Variants in MTCL3 observed in about 807,000 individuals in gnomAD.
The protein encoded by MTCL3 is microtubule cross-linking factor 3.
the MTCL3 span, among the ~76,000 whole-genome samples, chr6:127,495,577 T>A: frequency 3.9e-5 from 6 of 152,342 alleles, no homozygotes; most frequent in African/African-American, 1.4e-4. Context: ...AATGTGCCAT[T>A]ACAAGATGGC....
the MTCL3 span, among the ~76,000 whole-genome samples, chr6:127,487,720 G>C: frequency 3.9e-5 from 6 of 152,314 alleles, no homozygotes; most frequent in South Asian, 1.2e-3. Context: ...TTAAGGTCCA[G>C]AGGGGAATGT....
At chr6:127,483,484 ATG>A in the MTCL3 span, among the ~76,000 whole-genome samples, 1 of 152,168 alleles carries the variant, frequency 6.6e-6, no homozygotes, top group South Asian at 2.1e-4. Context: ...CACGTGCAAA[ATG>A]ATAGGGCATG....
At chr6:127,515,970 G>A in the MTCL3 span, 2 of 1,602,100 alleles carry the variant, frequency 1.2e-6, no homozygotes, top group Non-Finnish European at 1.7e-6. This position sits in a 1 kb window ranked among gnomAD's most constrained non-coding sequence, Gnocchi z 4.3. Flanking sequence ...ATGGAGAAGG[G>A]GAGGCCCCCT....
chr6:127,486,440 G>A, the MTCL3 span, among the ~76,000 whole-genome samples: 1 of 152,140 alleles, frequency 6.6e-6, no homozygotes. Context: ...GAGAAATAAT[G>A]TGAGTCCAAG....
the MTCL3 span, among the ~76,000 whole-genome samples, chr6:127,501,519 A>G: frequency 1.3e-5 from 2 of 152,234 alleles, no homozygotes; most frequent in African/African-American, 4.8e-5. Flanking sequence ...GGCTAATGTA[A>G]TGGTAAGAAA....
At chr6:127,488,780 G>C in the MTCL3 span, among the ~76,000 whole-genome samples, 1 of 152,126 alleles carries the variant, frequency 6.6e-6, no homozygotes, top group South Asian at 2.1e-4. Flanking sequence ...CATATAGCTG[G>C]CCCTCTGTAT....
the MTCL3 span, chr6:127,473,279 A>G: frequency 1.3e-6 from 2 of 1,521,566 alleles, no homozygotes; most frequent in Non-Finnish European, 1.7e-6. Flanking sequence ...ATGATGAAAG[A>G]TTTACAGTAC....
At chr6:127,473,501 C>T in the MTCL3 span, 1 of 754,002 alleles carries the variant, frequency 1.3e-6, no homozygotes, top group Non-Finnish European at 2.0e-6. Context: ...AAAGAACCTC[C>T]ACCCTCCCTT....
chr6:127,479,121 A>G, the MTCL3 span, among the ~76,000 whole-genome samples: 9 of 152,130 alleles, frequency 5.9e-5, no homozygotes, highest in African/African-American at 1.9e-4. Flanking sequence ...ATTAGAAACA[A>G]TGTTTGAACA....
At chr6:127,500,558 A>C in the MTCL3 span, among the ~76,000 whole-genome samples, 1 of 152,102 alleles carries the variant, frequency 6.6e-6, no homozygotes, top group Non-Finnish European at 1.5e-5. Flanking sequence ...AGTTGTACAT[A>C]TGCAGGTTTG....
At chr6:127,479,785 G>A in the MTCL3 span, among the ~76,000 whole-genome samples, 1 of 152,174 alleles carries the variant, frequency 6.6e-6, no homozygotes. Context: ...GATACAAAAT[G>A]TGCTAGTTTC....
chr6:127,500,007 T>C, the MTCL3 span, among the ~76,000 whole-genome samples: 1 of 152,186 alleles, frequency 6.6e-6, no homozygotes, highest in Non-Finnish European at 1.5e-5. Context: ...TCTTCATTTC[T>C]CGGGGTGGTG....
At chr6:127,494,357 AG>A in the MTCL3 span, among the ~76,000 whole-genome samples, 1 of 152,182 alleles carries the variant, frequency 6.6e-6, no homozygotes, top group Non-Finnish European at 1.5e-5. Context: ...TAAAAACCAT[AG>A]GATATCAGAA....
chr6:127,507,867 A>AAAAAAAAAAAAAAG, the MTCL3 span, among the ~76,000 whole-genome samples: 1 of 150,252 alleles, frequency 6.7e-6, no homozygotes. Flanking sequence ...AAAAAAAAAA[A>AAAAAAAAAAAAAAG]AAAGAAAAAA....
chr6:127,490,676 G>A, the MTCL3 span, among the ~76,000 whole-genome samples: 2 of 152,078 alleles, frequency 1.3e-5, no homozygotes, highest in East Asian at 3.9e-4. Context: ...AATTAGCCTA[G>A]TGTAGTGATG....
chr6:127,475,975 G>GACTTGT, the MTCL3 span: 13 of 1,611,136 alleles, frequency 8.1e-6, no homozygotes, highest in Admixed American at 6.7e-5. The surrounding 1 kb of genome is among the most constrained non-coding windows in gnomAD (Gnocchi z 7.3). Flanking sequence ...GTGGCCGCCG[G>GACTTGT]ACTTGTACTT....
At chr6:127,497,635 G>T in the MTCL3 span, among the ~76,000 whole-genome samples, 1 of 152,072 alleles carries the variant, frequency 6.6e-6, no homozygotes, top group Non-Finnish European at 1.5e-5. Context: ...AATTGTGCAC[G>T]TCAAGCTGTT....
the MTCL3 span, among the ~76,000 whole-genome samples, chr6:127,498,417 A>G: frequency 6.6e-6 from 1 of 152,236 alleles, no homozygotes; most frequent in Non-Finnish European, 1.5e-5. Flanking sequence ...CAATAATAAA[A>G]AAGATATACA....
the MTCL3 span, chr6:127,516,477 C>T: frequency 1.3e-6 from 2 of 1,599,684 alleles, no homozygotes; most frequent in Non-Finnish European, 8.5e-7. Flanking sequence ...GCGAACTGTC[C>T]CTCGGTCTAG....
Sources: gnomAD v4.1 joint callset for allele counts (sites outside exome capture counted in the v4.1 genomes callset) on GRCh38, gnomAD v4.1.1 for gene constraint, Gnocchi (gnomAD v3.1) non-coding constraint, MANE v1.5 for transcripts, NCBI Gene and HGNC (gene_info 2026-07-23, HGNC 2026-07-21) for gene names.